The following OPRM1 variants were observed in gnomAD, a reference collection of about 807,000 sequenced individuals.
The protein encoded by OPRM1 is mu-type opioid receptor.
A neutral mutation model predicts 31.8 loss-of-function variants in OPRM1; 27 were observed. The ratio of observed to expected loss-of-function variants is 0.85; its 90% CI spans 0.63 to 1.17. OPRM1 has a LOEUF of 1.17. Among genes scored for constraint, OPRM1 ranks in the 50% most tolerant of loss-of-function variants. The probability of loss-of-function intolerance (pLI) is 0.00; values close to 1 mark genes in which losing one functional copy is unlikely to be tolerated. For missense variants in OPRM1, 536 were observed against 511.1 expected, an observed-to-expected ratio of 1.05 and a Z score of -0.47; for synonymous variants, 196 against 189.9, an observed-to-expected ratio of 1.03 and a Z score of -0.26.
intron 2 of OPRM1, 62 bp from the exon 3 acceptor site, chr6:154,090,890 T>C: frequency 6.7e-7 from 1 of 1,485,886 alleles, no homozygotes; most frequent in Non-Finnish European, 9.2e-7. Flanking sequence ...ATGGCAGTAT[T>C]AACACCTTAT....
At chr6:154,215,474 C>T (rs1222127204) in intron 3 of OPRM1, among the ~76,000 whole-genome samples, 1 of 151,952 alleles carries the variant, frequency 6.6e-6, no homozygotes, top group African/African-American at 2.4e-5. Flanking sequence ...GGTGTGGTGG[C>T]GGAAGCCTGT....
rs1791626856 is a variant in OPRM1, at chr6:154,089,869, C to T, written c.334C>T (p.Leu112Phe). The T allele has an allele frequency of 1.2e-6, 2 of 1,613,900 alleles. No homozygotes were observed. The highest frequency in any genetic ancestry group is 1.7e-5 in the Admixed American group (1 of 59,986). The change falls in exon 2 of 4, where the codon CTT becomes TTT. Residue 112 changes from leucine to phenylalanine, a missense_variant. By Grantham distance (22) the Leu-to-Phe change is conservative. Coordinates refer to ENST00000330432, the MANE Select transcript of OPRM1 (RefSeq NM_000914.5). ...KTATNIYIFN[L>F]ALADALATST... ...TGCCACCAACATCTACATTTTCAACCTTGCTCTGGCAGATGCCTTAGCCAC... is the reference window on the plus strand; with the variant it reads ...TGCCACCAACATCTACATTTTCAACTTTGCTCTGGCAGATGCCTTAGCCAC...
chr6:154,167,868 C>T (rs1438460907), intron 3 of OPRM1: 5 of 1,352,826 alleles, frequency 3.7e-6, no homozygotes, highest in Non-Finnish European at 4.1e-6. Flanking sequence ...CAGAACCAGC[C>T]GTTCCTTGCC....
At chr6:154,036,318 A>C (rs959719403), upstream of OPRM1, among the ~76,000 whole-genome samples, 3 of 152,070 alleles carry the variant, frequency 2.0e-5, no homozygotes, top group African/African-American at 7.2e-5. Flanking sequence ...ATAAATGTTA[A>C]ACAACTTAAG....
chr6:154,116,161 G>A (rs779935445), intron 3 of OPRM1, among the ~76,000 whole-genome samples: 3 of 152,146 alleles, frequency 2.0e-5, no homozygotes, highest in African/African-American at 4.8e-5. Context: ...AAATGCACTG[G>A]TCGTGCTCTG....
intron 3 of OPRM1, chr6:154,108,213 A>T (rs940815785): frequency 4.6e-6 from 2 of 437,002 alleles, no homozygotes; most frequent in Admixed American, 3.9e-5. Flanking sequence ...AAACATAGGC[A>T]TTAGCTACTC....
intron 3 of OPRM1, chr6:154,091,893 G>C: frequency 2.0e-6 from 2 of 990,796 alleles, no homozygotes; most frequent in African/African-American, 1.7e-5. Context: ...TGATTAAAGA[G>C]AGAGGGTGAG....
intron 1 of OPRM1, chr6:154,087,187 G>T: frequency 1.0e-6 from 1 of 985,422 alleles, no homozygotes; most frequent in South Asian, 4.7e-5. Context: ...TGCAGCTTCT[G>T]CAAGTATTGC....
chr6:154,210,142 C>G (rs1777848390), intron 3 of OPRM1, among the ~76,000 whole-genome samples: 1 of 152,126 alleles, frequency 6.6e-6, no homozygotes, highest in Non-Finnish European at 1.5e-5. Context: ...TTTTATTTCA[C>G]CAGGGAGAGT....
chr6:154,021,004 C>A (rs1778335814), intron 1 of OPRM1, among the ~76,000 whole-genome samples: 1 of 152,154 alleles, frequency 6.6e-6, no homozygotes, highest in South Asian at 2.1e-4. Flanking sequence ...ATCAATCATG[C>A]CTTTGGTGTT....
At chr6:154,199,579 T>A (rs1352055173) in intron 3 of OPRM1, 2 of 1,380,528 alleles carry the variant, frequency 1.4e-6, no homozygotes, top group Non-Finnish European at 1.9e-6. Context: ...TTCATGAGTT[T>A]AACCATTCTT....
chr6:154,031,041 C>T (rs1377780491), intron 1 of OPRM1, among the ~76,000 whole-genome samples: 1 of 151,952 alleles, frequency 6.6e-6, no homozygotes, highest in Non-Finnish European at 1.5e-5. Context: ...TAACTTAATT[C>T]TAAGGTTACC....
intron 3 of OPRM1, among the ~76,000 whole-genome samples, chr6:154,096,872 T>C (rs1048347972): frequency 2.0e-5 from 3 of 152,200 alleles, no homozygotes; most frequent in Admixed American, 2.0e-4. Context: ...TGTAAGTTCT[T>C]AAGAACTGCT....
chr6:154,060,165 T>C (rs1784105036), intron 1 of OPRM1, among the ~76,000 whole-genome samples: 1 of 152,200 alleles, frequency 6.6e-6, no homozygotes, highest in South Asian at 2.1e-4. Context: ...AAGGATTTTA[T>C]TTTTGAAGCA....
chr6:154,122,045 C>A lies in OPRM1; in HGVS notation c.*3324C>A, dbSNP rs887746709. Among the ~76,000 whole-genome samples the A allele has an allele frequency of 1.3e-5, 2 of 152,184 alleles. No homozygotes were observed. Among genetic ancestry groups the A allele is most frequent in the Non-Finnish European group, 2.9e-5 (2 of 68,030 alleles). On this transcript the variant is annotated 3_prime_UTR_variant, in exon 4 of 4. Coordinates refer to ENST00000330432, the MANE Select transcript of OPRM1 (RefSeq NM_000914.5). ...TCTCCAGCTTACGCCATGAATACTG[C>A]AGAAGCTGATACTATCCGTTGTGGT...
chr6:154,046,185 A>G (rs1781080864), intron 1 of OPRM1, among the ~76,000 whole-genome samples: 2 of 152,204 alleles, frequency 1.3e-5, no homozygotes, highest in Admixed American at 1.3e-4. Flanking sequence ...CTCGTAAGAA[A>G]AATTCTGATA....
chr6:154,173,318 A>T (rs1175685181), intron 3 of OPRM1, among the ~76,000 whole-genome samples: 1 of 152,174 alleles, frequency 6.6e-6, no homozygotes, highest in African/African-American at 2.4e-5. Context: ...TGGAGAATGA[A>T]TTTGATGAGT....
chr6:154,135,662 G>T (rs1041396830), downstream of OPRM1, among the ~76,000 whole-genome samples: 1 of 152,158 alleles, frequency 6.6e-6, no homozygotes, highest in African/African-American at 2.4e-5. Context: ...TAAAAGGCTT[G>T]GTCCAGCCAT....
intron 3 of OPRM1, among the ~76,000 whole-genome samples, chr6:154,229,890 G>A (rs917568415): frequency 1.3e-5 from 2 of 152,184 alleles, no homozygotes; most frequent in African/African-American, 4.8e-5. Context: ...TCATGAAAAG[G>A]AGCAAACCAG....
Sources: gnomAD v4.1 joint callset for allele counts (sites outside exome capture counted in the v4.1 genomes callset) on GRCh38, gnomAD v4.1.1 for gene constraint, MANE v1.5 for transcripts, NCBI Gene and HGNC (gene_info 2026-07-23, HGNC 2026-07-21) for gene names.